Variants in BAZ1B observed in about 807,000 individuals in gnomAD.
BAZ1B encodes tyrosine-protein kinase BAZ1B.
BAZ1B carries 22 observed loss-of-function variants against 153.8 expected under a neutral mutation model. The ratio of observed to expected loss-of-function variants is 0.14; its 90% CI spans 0.10 to 0.20. BAZ1B has a LOEUF of 0.20. BAZ1B is among the 10% of genes least tolerant of loss of function. BAZ1B has a pLI of 1.00. For missense variants in BAZ1B, 1,325 were observed against 1,799.3 expected (o/e 0.74, Z 4.77); for synonymous variants, 676 against 633.4 (o/e 1.07, Z -1.01).
In BAZ1B at chr7:73,521,816, GA is replaced by G; in HGVS notation, c.107+10del. ...CGGCCCAGCCCGGCCCGCGCGGCTG[GA>G]AAAGGATACTCCCGGGTGCGGAAGG... On this transcript the variant is annotated intron_variant, in intron 1 of 19. Transcript: ENST00000339594. 9 of 1,488,102 alleles carry G rather than the reference GA, an allele frequency of 6.0e-6. No individual in the cohort carries two copies. In the Admixed American group the frequency reaches 6.5e-5, roughly 11 times the overall value. The allele number at this position is 1,488,102 out of a possible 1,614,324, so 92.2% of individuals were successfully genotyped here. A position where few individuals can be genotyped will look rare whatever the true frequency, so the allele number is the denominator to read the frequency against.
chr7:73,490,852 G>A (rs1360866792), intron 5 of BAZ1B, among the ~76,000 whole-genome samples: 1 of 151,752 alleles, frequency 6.6e-6, no homozygotes, highest in Non-Finnish European at 1.5e-5. Flanking sequence ...TGATCCACCT[G>A]CCTCGGCCTC....
intron 13 of BAZ1B, among the ~76,000 whole-genome samples, chr7:73,455,047 C>A (rs1336102966): frequency 6.6e-6 from 1 of 150,876 alleles, no homozygotes; most frequent in Non-Finnish European, 1.5e-5. Flanking sequence ...TGTGTGTGTG[C>A]ATTTTTTCTT....
chr7:73,509,688 A>G (rs1004108200), intron 2 of BAZ1B, among the ~76,000 whole-genome samples: 56 of 151,924 alleles, frequency 3.7e-4, no homozygotes, highest in Non-Finnish European at 7.5e-4. Flanking sequence ...TGGGCAACAG[A>G]GCGAAACTGT....
At chr7:73,463,234 TTTTTC>T (rs1282914133) in intron 11 of BAZ1B, 135 bp from the exon 12 acceptor site, 1 of 813,962 alleles carries the variant, frequency 1.2e-6, no homozygotes, top group Non-Finnish European at 1.9e-6. Context: ...TGTTTTTTCT[TTTTTC>T]TTTTTTTTTT....
intron 7 of BAZ1B, among the ~76,000 whole-genome samples, chr7:73,471,630 G>T (rs1788806707): frequency 6.6e-6 from 1 of 152,154 alleles, no homozygotes; most frequent in South Asian, 2.1e-4. Flanking sequence ...GATTAGAGAT[G>T]TGAGCCACTG....
intron 13 of BAZ1B, among the ~76,000 whole-genome samples, chr7:73,458,106 C>T (rs782469290): frequency 2.0e-5 from 3 of 152,092 alleles, no homozygotes; most frequent in Non-Finnish European, 4.4e-5. Flanking sequence ...CAGGTGGCAA[C>T]GTGGGGCTTG....
At chr7:73,489,499 C>T (rs1304516085) in intron 5 of BAZ1B, 108 bp from the exon 6 acceptor site, 12 of 1,098,698 alleles carry the variant, frequency 1.1e-5, no homozygotes, top group Admixed American at 2.2e-5. Flanking sequence ...CCATCTATAT[C>T]AACAGGGCTA....
chr7:73,504,791 G>A (rs1554577558), intron 3 of BAZ1B, among the ~76,000 whole-genome samples: 1 of 152,104 alleles, frequency 6.6e-6, no homozygotes. Flanking sequence ...TCACACCACT[G>A]CACTCCAGTC....
chr7:73,447,172 C>T (rs1398010442), intron 16 of BAZ1B, 92 bp downstream of exon 16: 20 of 1,606,772 alleles, frequency 1.2e-5, no homozygotes, highest in East Asian at 6.7e-5. Context: ...TAGGGCAAGC[C>T]GGCCACACTA....
At chr7:73,455,272 A>G (rs1330748744) in intron 13 of BAZ1B, among the ~76,000 whole-genome samples, 1 of 150,454 alleles carries the variant, frequency 6.6e-6, no homozygotes, top group Admixed American at 6.6e-5. Context: ...GATCTTTGTG[A>G]AAAAAAAGGA....
intron 1 of BAZ1B, among the ~76,000 whole-genome samples, chr7:73,511,165 G>A (rs1349673847): frequency 6.6e-6 from 1 of 152,038 alleles, no homozygotes; most frequent in Non-Finnish European, 1.5e-5. Context: ...CTACTCAGGA[G>A]GCTGAGGCAG....
rs1554578092 is a variant in BAZ1B, at chr7:73,508,356, A to G, written c.340T>C (p.Tyr114His). 6.2e-7 allele frequency: 1 copy of G among 1,614,022 alleles called. No individual in the cohort carries two copies. Among genetic ancestry groups the G allele is most frequent in the Non-Finnish European group, 8.5e-7 (1 of 1,179,978 alleles). The part of the protein sequence containing the change: ...DTAWLEIMTK[Y>H]AVGEECDFEV... ...AAGTCACACTCTTCTCCCACAGCAT[A>G]TTTGGTCATGATCTCCAACCAAGCA... is the stretch of plus-strand genomic sequence containing the variant. Residue 114 changes from tyrosine to histidine, a missense_variant, in exon 3 of 20, where the codon TAT becomes CAT. Physicochemically the swap from Tyr to His is moderately conservative, Grantham distance 83 (BLOSUM62 2). Coordinates refer to ENST00000339594, the MANE Select transcript of BAZ1B (RefSeq NM_032408.4).
At position 73,478,170 on chromosome 7, in the gene BAZ1B, G is replaced by A; in HGVS notation, c.1291C>T (p.Pro431Ser). The A allele has an allele frequency of 6.2e-7, 1 of 1,614,112 alleles. No homozygotes were observed. Among genetic ancestry groups the A allele is most frequent in the Non-Finnish European group, 8.5e-7 (1 of 1,180,034 alleles). ...SKSPKKGLKT[P>S]KTKMKQMTLL... is the part of the protein sequence containing the mutation. ...GTCATCTGCTTCATTTTGGTTTTAG[G>A]AGTCTTCAGTCCTTTTTTGGGAGAT... Residue 431 changes from proline (P) to serine (S), a missense_variant, in exon 7 of 20, where the codon CCT becomes TCT. By Grantham distance (74) the Pro-to-Ser change is moderately conservative. Coordinates refer to ENST00000339594, the MANE Select transcript of BAZ1B (RefSeq NM_032408.4).
chr7:73,461,062 G>A (rs1000117317), intron 12 of BAZ1B, among the ~76,000 whole-genome samples: 1 of 151,730 alleles, frequency 6.6e-6, no homozygotes, highest in East Asian at 2.0e-4. Context: ...TGCAACCTCC[G>A]CCTCCCGGGT....
chr7:73,510,658 T>A, intron 2 of BAZ1B, 78 bp downstream of exon 2: 1 of 1,357,696 alleles, frequency 7.4e-7, no homozygotes, highest in East Asian at 2.3e-5. Context: ...TAAATACACA[T>A]ACTGCTTTAG....
chr7:73,445,620 C>T (rs1427623032), intron 16 of BAZ1B, among the ~76,000 whole-genome samples: 2 of 152,122 alleles, frequency 1.3e-5, no homozygotes, highest in Non-Finnish European at 2.9e-5. Context: ...CTTGTAATCC[C>T]AGCACTTCGG....
At position 73,459,569 on chromosome 7, in the gene BAZ1B, C is replaced by T. The variant is rs1271844989; in HGVS notation, c.3399G>A (p.Val1133=). Residue 1133 remains valine, a synonymous_variant, in exon 13 of 20, where the codon GTG becomes GTA. Transcript: ENST00000339594. The stretch of plus-strand genomic sequence containing the variant: ...CCTCTACCATTTTCTTCTCTTCATC[C>T]ACTTCCTCAGTTTTTGCTGAATCTT... ...QSEDSAKTEE[V]DEEKKMVEEA... 6.8e-6 allele frequency: 11 copies of T among 1,613,688 alleles called. No individual in the cohort carries two copies. Among genetic ancestry groups the T allele is most frequent in the Non-Finnish European group, 9.3e-6 (11 of 1,179,996 alleles).
chr7:73,522,010 G>C lies in BAZ1B; in HGVS notation c.-77C>G, dbSNP rs570222226. The C allele has an allele frequency of 9.4e-7, 1 of 1,066,324 alleles. No homozygotes were observed. Among genetic ancestry groups the C allele is most frequent in the Non-Finnish European group, 1.2e-6 (1 of 839,272 alleles). 66.1% of individuals were successfully genotyped at this position (1,066,324 alleles called of 1,614,324 possible). On this transcript the variant is annotated 5_prime_UTR_variant, in exon 1 of 20. Coordinates refer to ENST00000339594, the MANE Select transcript of BAZ1B (RefSeq NM_032408.4). ...AGCACTAGGCCCCGCGGCCCGGAGC[G>C]AGCGCCAGGCGCCCGGGGGTGGGGT...
intron 6 of BAZ1B, among the ~76,000 whole-genome samples, chr7:73,484,743 G>T (rs1242559328): frequency 2.0e-5 from 3 of 152,192 alleles, no homozygotes; most frequent in Non-Finnish European, 2.9e-5. Flanking sequence ...AATTCTTAAT[G>T]TCCAAATATT....
Sources: allele counts gnomAD v4.1 joint callset (sites outside exome capture counted in the v4.1 genomes callset), GRCh38; gene constraint gnomAD v4.1.1; transcripts MANE v1.5; gene names NCBI Gene and HGNC (gene_info 2026-07-23, HGNC 2026-07-21).